The following SNX29 variants were observed in gnomAD, a reference collection of about 807,000 sequenced individuals.
SNX29 encodes sorting nexin 29, also known as sorting nexin-29.
Under a neutral mutation model 102.1 loss-of-function variants are expected in SNX29, and 78 were observed. The observed-to-expected ratio is 0.76, with a 90% CI of 0.64 to 0.92. The LOEUF (loss-of-function observed/expected upper bound fraction) is 0.92, where lower values mean the gene tolerates loss of function less well. SNX29 is among the 40% of genes least tolerant of loss of function. The pLI, the probability that SNX29 is intolerant of heterozygous loss-of-function variation, is 0.00. For synonymous variants in SNX29, 580 were observed against 414.5 expected (o/e 1.40, Z -4.85); for missense variants, 1,280 against 1,061.7 (o/e 1.21, Z -2.86).
intron 15 of SNX29, among the ~76,000 whole-genome samples, chr16:12,355,197 C>T (rs1010822540): frequency 6.6e-6 from 1 of 152,154 alleles, no homozygotes; most frequent in Admixed American, 6.6e-5. Flanking sequence ...CATATCTTGG[C>T]GGATTCTCTT....
chr16:12,013,041 G>A (rs193092255), intron 3 of SNX29, among the ~76,000 whole-genome samples: 1 of 151,582 alleles, frequency 6.6e-6, no homozygotes, highest in Admixed American at 6.6e-5. Flanking sequence ...GGGGTGAGAT[G>A]GAATCTGGGA....
intron 11 of SNX29, among the ~76,000 whole-genome samples, chr16:12,107,524 C>T (rs547755140): frequency 2.0e-5 from 3 of 152,136 alleles, no homozygotes; most frequent in African/African-American, 7.2e-5. Context: ...AAAAATTAGC[C>T]AGGCATGGTG....
intron 19 of SNX29, among the ~76,000 whole-genome samples, chr16:12,503,977 G>C (rs1033129231): frequency 1.3e-5 from 2 of 152,098 alleles, no homozygotes; most frequent in African/African-American, 4.8e-5. Context: ...GAGTTGTGCA[G>C]CCATCACCCC....
chr16:12,563,236 C>G (rs1024182526), intron 20 of SNX29, among the ~76,000 whole-genome samples: 4 of 152,130 alleles, frequency 2.6e-5, no homozygotes, highest in African/African-American at 9.7e-5. Flanking sequence ...AGTGGCCTCC[C>G]CATCATCACT....
At position 12,477,719 on chromosome 16, in the gene SNX29, G is replaced by A. The variant is rs1162999422; in HGVS notation, c.2038G>A (p.Val680Ile). 8 of 1,611,098 alleles carry A rather than the reference G, an allele frequency of 5.0e-6. No homozygotes were observed. Among genetic ancestry groups the A allele is most frequent in the Non-Finnish European group, 6.8e-6 (8 of 1,179,168 alleles). ...ATTCACATTTTCTCTTTCTTGACAG[G>A]TCTACATCCGGATAAAAGACGATGA... ...KAANAFHVYQ[V>I]YIRIKDDEWN... Residue 680 changes from valine (V) to isoleucine (I), a missense_variant and splice_region_variant, in exon 19 of 21, where the codon GTC becomes ATC. Transcript: ENST00000566228.
chr16:11,979,943 A>G (rs381584), intron 1 of SNX29, among the ~76,000 whole-genome samples: 127,792 of 151,910 alleles, frequency 0.84, 54,913 homozygotes, highest in South Asian at 0.95. Flanking sequence ...TGCTCCGGCC[A>G]TAACATTTTA....
chr16:12,237,907 T>TTC (rs1231167553), intron 14 of SNX29, among the ~76,000 whole-genome samples: 2 of 152,180 alleles, frequency 1.3e-5, no homozygotes, highest in Admixed American at 1.3e-4. Context: ...AAAACTCCTT[T>TTC]TCTAAATAAA....
intron 13 of SNX29, among the ~76,000 whole-genome samples, chr16:12,136,533 C>T (rs1369539985): frequency 6.6e-6 from 1 of 152,180 alleles, no homozygotes; most frequent in East Asian, 1.9e-4. Flanking sequence ...TTTCTTCAAG[C>T]ACTGTGGGAC....
intron 15 of SNX29, among the ~76,000 whole-genome samples, chr16:12,338,430 C>G (rs754557572): frequency 2.6e-5 from 4 of 152,182 alleles, no homozygotes; most frequent in Non-Finnish European, 5.9e-5. Flanking sequence ...GGAGGTATTC[C>G]CGGGAACAAG....
chr16:12,108,429 C>T (rs899738356), intron 11 of SNX29, among the ~76,000 whole-genome samples: 19 of 152,156 alleles, frequency 1.2e-4, no homozygotes, highest in Non-Finnish European at 2.6e-4. Context: ...AGCAGGTGCA[C>T]CAGAAGGTGT....
At chr16:11,986,619 G>A (rs2055638382) in intron 1 of SNX29, among the ~76,000 whole-genome samples, 1 of 152,132 alleles carries the variant, frequency 6.6e-6, no homozygotes, top group African/African-American at 2.4e-5. Flanking sequence ...TCTTTGAAAA[G>A]GCAGCATAGC....
chr16:12,383,582 G>A (rs1270034958), intron 16 of SNX29, among the ~76,000 whole-genome samples: 1 of 151,382 alleles, frequency 6.6e-6, no homozygotes, highest in Non-Finnish European at 1.5e-5. Context: ...GATTACAGGC[G>A]CCCACCACCA....
At chr16:12,184,450 C>A (rs1208609738) in intron 13 of SNX29, among the ~76,000 whole-genome samples, 1 of 152,172 alleles carries the variant, frequency 6.6e-6, no homozygotes, top group Non-Finnish European at 1.5e-5. Flanking sequence ...AGCCTTGTTA[C>A]AAACAAAAGC....
intron 10 of SNX29, among the ~76,000 whole-genome samples, chr16:12,076,974 A>G (rs908395909): frequency 1.3e-5 from 2 of 152,032 alleles, no homozygotes; most frequent in East Asian, 1.9e-4. Flanking sequence ...TTTTTTTGCT[A>G]TTTATTTTAG....
At chr16:12,295,508 G>A (rs1266772190) in intron 15 of SNX29, among the ~76,000 whole-genome samples, 1 of 152,156 alleles carries the variant, frequency 6.6e-6, no homozygotes, top group Non-Finnish European at 1.5e-5. Context: ...TTCCGTTGAC[G>A]AAGGTACATT....
At chr16:12,051,596 T>C (rs902617755) in intron 7 of SNX29, among the ~76,000 whole-genome samples, 1 of 152,214 alleles carries the variant, frequency 6.6e-6, no homozygotes, top group African/African-American at 2.4e-5. Context: ...TCAAAGTGAC[T>C]GCTTAGAAGG....
intron 11 of SNX29, among the ~76,000 whole-genome samples, chr16:12,108,014 G>C (rs1388344766): frequency 6.6e-6 from 1 of 152,100 alleles, no homozygotes; most frequent in Non-Finnish European, 1.5e-5. Flanking sequence ...GGAGTTGCTA[G>C]AAAAATAAGG....
At position 12,569,447 on chromosome 16, in the gene SNX29, C is replaced by T. The variant is rs2079138557; in HGVS notation, c.*818C>T. 1 of 231,050 alleles carries T rather than the reference C, an allele frequency of 4.3e-6. No homozygotes were observed. Among genetic ancestry groups the T allele is most frequent in the Admixed American group, 5.7e-5 (1 of 17,674 alleles). 14.3% of individuals were successfully genotyped at this position (231,050 alleles called of 1,614,324 possible). On this transcript the variant is annotated 3_prime_UTR_variant, in exon 21 of 21. Transcript: ENST00000566228. ...CCAGCGTGTCCAAAGTAGCATTGGC[C>T]CTACAGTCATGAGAGACTTGGGTCA...
chr16:12,328,938 C>T (rs1054409204), intron 15 of SNX29, among the ~76,000 whole-genome samples: 94 of 152,024 alleles, frequency 6.2e-4, no homozygotes, highest in Admixed American at 6.6e-4. Flanking sequence ...AGTTTCCTAT[C>T]TTGGCTTCAT....
Sources: allele counts gnomAD v4.1 joint callset (sites outside exome capture counted in the v4.1 genomes callset), GRCh38; gene constraint gnomAD v4.1.1; transcripts MANE v1.5; gene names NCBI Gene and HGNC (gene_info 2026-07-23, HGNC 2026-07-21).